The following SH2D4A variants were observed in gnomAD, a reference collection of about 807,000 sequenced individuals.
SH2D4A encodes the protein SH2 domain containing 4A.
In SH2D4A, 70 loss-of-function variants were observed where a neutral mutation model predicts 64.7. That is an observed-to-expected ratio of 1.08 (90% CI 0.89 to 1.32). The LOEUF (loss-of-function observed/expected upper bound fraction) is 1.32. SH2D4A is among the 40% of genes most tolerant of loss of function. The pLI is 0.00. For synonymous variants in SH2D4A, 268 were observed against 200.7 expected, an observed-to-expected ratio of 1.34 and a Z score of -2.83; for missense variants, 706 against 540.1, an observed-to-expected ratio of 1.31 and a Z score of -3.04.
At chr8:19,370,577 T>C (rs1433260133) in intron 7 of SH2D4A, among the ~76,000 whole-genome samples, 1 of 152,122 alleles carries the variant, frequency 6.6e-6, no homozygotes. Flanking sequence ...GGTTTCCATT[T>C]GCATACAATG....
At chr8:19,381,444 T>G (rs2053291172) in intron 8 of SH2D4A, among the ~76,000 whole-genome samples, 1 of 152,194 alleles carries the variant, frequency 6.6e-6, no homozygotes, top group African/African-American at 2.4e-5. Context: ...GAATTTGATT[T>G]GTAATTTCCT....
intron 8 of SH2D4A, chr8:19,375,385 T>C (rs1472567423): frequency 6.6e-6 from 1 of 152,242 alleles, no homozygotes; most frequent in African/African-American, 2.4e-5. Flanking sequence ...ATGGTAGCCC[T>C]TTATAGGTTT....
intron 9 of SH2D4A, among the ~76,000 whole-genome samples, chr8:19,393,813 A>G (rs2053540393): frequency 6.6e-6 from 1 of 152,222 alleles, no homozygotes; most frequent in Admixed American, 6.5e-5. Context: ...CTGTACCCAC[A>G]TGGATCACAT....
At chr8:19,389,891 T>G (rs1269027650) in intron 8 of SH2D4A, among the ~76,000 whole-genome samples, 1 of 152,066 alleles carries the variant, frequency 6.6e-6, no homozygotes, top group Non-Finnish European at 1.5e-5. Flanking sequence ...CAAATAAAAA[T>G]TACTGCTTTT....
chr8:19,335,670 C>T (rs2052434570), intron 4 of SH2D4A, among the ~76,000 whole-genome samples: 1 of 152,186 alleles, frequency 6.6e-6, no homozygotes. Flanking sequence ...TCTACTGAGT[C>T]TTAGCCTTTT....
At chr8:19,384,688 G>A (rs747610667) in intron 8 of SH2D4A, among the ~76,000 whole-genome samples, 1 of 152,194 alleles carries the variant, frequency 6.6e-6, no homozygotes, top group Admixed American at 6.5e-5. Context: ...TCTCCAAAGT[G>A]TGTAGATACA....
chr8:19,352,057 A>G (rs2052714135), intron 4 of SH2D4A, among the ~76,000 whole-genome samples: 1 of 152,224 alleles, frequency 6.6e-6, no homozygotes, highest in Non-Finnish European at 1.5e-5. Flanking sequence ...TGCTGGGATT[A>G]CAGGCCTGAG....
intron 2 of SH2D4A, among the ~76,000 whole-genome samples, chr8:19,325,354 A>G (rs560053901): frequency 3.3e-5 from 5 of 152,188 alleles, no homozygotes; most frequent in Non-Finnish European, 7.3e-5. Flanking sequence ...GGTCAGGTAA[A>G]TCTTGCCCCC....
chr8:19,393,429 C>T lies in SH2D4A; in HGVS notation c.1160C>T (p.Ser387Leu), dbSNP rs116257653. The change falls in exon 9 of 10, where the codon TCG (serine) becomes TTG (leucine). Residue 387 changes from serine to leucine, a missense_variant. Physicochemically the swap from Ser to Leu is moderately radical, Grantham distance 145 (BLOSUM62 -2). Transcript: ENST00000265807. ...RIKGYALSYLSEDGCKHFLID... is the reference protein window; with the variant it reads ...RIKGYALSYLLEDGCKHFLID... The stretch of plus-strand genomic sequence containing the variant: ...AAAGGCTATGCCCTGTCCTATCTGT[C>T]GGAGGACGGCTGTAAACATTTCCTC... 304 of 1,614,224 alleles carry T rather than the reference C, an allele frequency of 1.9e-4. 1 individual carries two copies. Among genetic ancestry groups the T allele is most frequent in the Non-Finnish European group, 2.2e-4 (261 of 1,180,048 alleles).
At chr8:19,314,009 G>A (rs2052041496) in intron 1 of SH2D4A, 186 bp downstream of exon 1, 1 of 1,239,770 alleles carries the variant, frequency 8.1e-7, no homozygotes, top group Non-Finnish European at 1.0e-6. Context: ...GCGGGGTTGG[G>A]CGGCGAGAGC....
At chr8:19,376,688 TA>T (rs1395433414) in intron 8 of SH2D4A, among the ~76,000 whole-genome samples, 1 of 152,108 alleles carries the variant, frequency 6.6e-6, no homozygotes, top group African/African-American at 2.4e-5. Context: ...ACATCCAGAA[TA>T]ACTTTTGACC....
chr8:19,339,103 C>G (rs1413434523), intron 4 of SH2D4A, among the ~76,000 whole-genome samples: 1 of 152,188 alleles, frequency 6.6e-6, no homozygotes, highest in Non-Finnish European at 1.5e-5. Context: ...GGCATAAATC[C>G]AAGAGTCCAA....
At chr8:19,351,669 C>T (rs993685389) in intron 4 of SH2D4A, among the ~76,000 whole-genome samples, 3 of 151,990 alleles carry the variant, frequency 2.0e-5, no homozygotes, top group African/African-American at 7.2e-5. Flanking sequence ...GCTATTAATT[C>T]TTCATTTTCA....
intron 7 of SH2D4A, among the ~76,000 whole-genome samples, chr8:19,372,347 C>G (rs2053116597): frequency 6.6e-6 from 1 of 152,172 alleles, no homozygotes; most frequent in African/African-American, 2.4e-5. Flanking sequence ...TGAGGAAGAA[C>G]TCAAGGAGGG....
chr8:19,324,315 C>G (rs2052239521), intron 2 of SH2D4A, among the ~76,000 whole-genome samples: 2 of 152,350 alleles, frequency 1.3e-5, no homozygotes, highest in South Asian at 4.1e-4. Context: ...TCTGTGTGCC[C>G]TTGAAACAGA....
intron 4 of SH2D4A, among the ~76,000 whole-genome samples, chr8:19,350,103 G>A (rs2052675839): frequency 6.6e-6 from 1 of 152,124 alleles, no homozygotes; most frequent in Admixed American, 6.5e-5. Flanking sequence ...TTAAGATTCT[G>A]AATATTTTCT....
chr8:19,373,078 G>A (rs1271172472), intron 7 of SH2D4A, among the ~76,000 whole-genome samples: 1 of 152,062 alleles, frequency 6.6e-6, no homozygotes, highest in Non-Finnish European at 1.5e-5. Context: ...TTAATTGGAA[G>A]TTAATGGAGC....
chr8:19,390,880 C>T (rs1022315249), intron 8 of SH2D4A, among the ~76,000 whole-genome samples: 1 of 152,186 alleles, frequency 6.6e-6, no homozygotes, highest in Non-Finnish European at 1.5e-5. Context: ...TTTGACCTTA[C>T]TTAGCCGAGG....
At position 19,313,717 on chromosome 8, in the gene SH2D4A, G is replaced by A. The variant is rs144333981; in HGVS notation, c.-311G>A. The A allele has an allele frequency of 0.017, 25,641 of 1,494,092 alleles. 258 individuals are homozygous for A. Among genetic ancestry groups the A allele is most frequent in the Non-Finnish European group, 0.021 (23,103 of 1,122,832 alleles). 92.6% of individuals were successfully genotyped at this position (1,494,092 alleles called of 1,614,324 possible). ...AGTATTTGCTCAGCCCGCCTGCGCC[G>A]CTTGGGACGCCTCTGCCTTTCCCTC... On this transcript the variant is annotated 5_prime_UTR_variant, in exon 1 of 10. Coordinates refer to ENST00000265807, the MANE Select transcript of SH2D4A (RefSeq NM_022071.4).
Sources: allele counts gnomAD v4.1 joint callset (sites outside exome capture counted in the v4.1 genomes callset), GRCh38; gene constraint gnomAD v4.1.1; transcripts MANE v1.5; gene names NCBI Gene and HGNC (gene_info 2026-07-23, HGNC 2026-07-21).